The following LRRN2 variants were observed in gnomAD, a reference collection of about 807,000 sequenced individuals.
LRRN2 encodes leucine-rich repeat neuronal protein 2.
LRRN2 carries 10 observed loss-of-function variants against 35.7 expected under a neutral mutation model. The ratio of observed to expected loss-of-function variants is 0.28; its 90% CI spans 0.17 to 0.47. LRRN2 has a LOEUF of 0.47. LRRN2 is among the 20% of genes least tolerant of loss of function. The pLI, the probability that LRRN2 is intolerant of heterozygous loss-of-function variation, is 0.99. For missense variants in LRRN2, 731 were observed against 940.3 expected (o/e 0.78, Z 2.91); for synonymous variants, 391 against 409.6 (o/e 0.95, Z 0.55).
rs1558389572 is a variant in LRRN2, at chr1:204,617,786, G to T, written c.*65C>A. The T allele has an allele frequency of 6.4e-7, 1 of 1,574,752 alleles. No homozygotes were observed. Among genetic ancestry groups the T allele is most frequent in the Non-Finnish European group, 8.7e-7 (1 of 1,147,488 alleles). On this transcript the variant is annotated 3_prime_UTR_variant, in exon 2 of 2. Transcript: ENST00000367177. ...CTTTCCTGGCAGGGCATCTGGCCCA[G>T]ACTGCTTCTCTTTTGGTAAAAAGTA... is the stretch of plus-strand genomic sequence containing the variant.
chr1:204,669,170 A>G (rs1172029367), intron 1 of LRRN2, among the ~76,000 whole-genome samples: 1 of 152,204 alleles, frequency 6.6e-6, no homozygotes, highest in African/African-American at 2.4e-5. Flanking sequence ...TTGTTCCTGA[A>G]AAATCTATTG....
chr1:204,646,788 C>A (rs573489626), intron 1 of LRRN2, among the ~76,000 whole-genome samples: 1 of 152,078 alleles, frequency 6.6e-6, no homozygotes, highest in Non-Finnish European at 1.5e-5. Flanking sequence ...TTCTTTTGAC[C>A]TCTTTAATAG....
intron 1 of LRRN2, among the ~76,000 whole-genome samples, chr1:204,671,642 TAAAAAAAAAAAAAAAAA>T (rs35192809): frequency 2.6e-4 from 8 of 30,252 alleles, no homozygotes; most frequent in African/African-American, 1.1e-3. Context: ...TAATTGATGG[TAAAAAAAAAAAAAAAAA>T]AAAAAAAAAA....
intron 1 of LRRN2, among the ~76,000 whole-genome samples, chr1:204,657,227 C>T (rs1668376928): frequency 6.6e-6 from 1 of 151,970 alleles, no homozygotes; most frequent in African/African-American, 2.4e-5. Context: ...ATCACTTGAA[C>T]CCGGGAGGCG....
intron 1 of LRRN2, among the ~76,000 whole-genome samples, chr1:204,644,624 C>T (rs1668060610): frequency 6.6e-6 from 1 of 152,244 alleles, no homozygotes; most frequent in South Asian, 2.1e-4. Context: ...TTCCTTCTCT[C>T]CTCTTGCTCC....
In LRRN2 at chr1:204,618,651, G is replaced by A. The variant is rs1189629369; in HGVS notation, c.1342C>T (p.Leu448=). The change falls in exon 2 of 2, where the codon CTG becomes TTG. Residue 448 remains leucine, a synonymous_variant. Coordinates refer to ENST00000367177, the MANE Select transcript of LRRN2 (RefSeq NM_201630.2). ...TAGATCTCGGGTTCGGGTTCGGCCA[G>A]TGCCCGGCAATGCAGCACCATGCTC... ...GESMVLHCRA[L]AEPEPEIYWV... 10 of 1,609,148 alleles carry A rather than the reference G, an allele frequency of 6.2e-6. No individual in the cohort carries two copies. The highest frequency in any genetic ancestry group is 8.5e-6 in the Non-Finnish European group (10 of 1,177,506).
In LRRN2 at chr1:204,617,784, C is replaced by G; in HGVS notation, c.*67G>C. The G allele has an allele frequency of 6.4e-7, 1 of 1,568,048 alleles. No individual in the cohort carries two copies. Among genetic ancestry groups the G allele is most frequent in the South Asian group, 1.1e-5 (1 of 88,156 alleles). Reference sequence around the variant, plus strand: ...CCCTTTCCTGGCAGGGCATCTGGCCCAGACTGCTTCTCTTTTGGTAAAAAG... The same window carrying G: ...CCCTTTCCTGGCAGGGCATCTGGCCGAGACTGCTTCTCTTTTGGTAAAAAG... On this transcript the variant is annotated 3_prime_UTR_variant, in exon 2 of 2. Coordinates refer to ENST00000367177, the MANE Select transcript of LRRN2 (RefSeq NM_201630.2).
At chr1:204,655,349 G>A (rs1201625262) in intron 1 of LRRN2, among the ~76,000 whole-genome samples, 4 of 152,190 alleles carry the variant, frequency 2.6e-5, no homozygotes, top group East Asian at 1.9e-4. Flanking sequence ...GTGCAGTGGC[G>A]CGATCTGGGG....
intron 1 of LRRN2, among the ~76,000 whole-genome samples, chr1:204,654,561 T>A (rs1358309623): frequency 6.6e-6 from 1 of 152,176 alleles, no homozygotes; most frequent in Non-Finnish European, 1.5e-5. Flanking sequence ...CCTTTTTGCA[T>A]CCCCTGATCA....
At chr1:204,682,083 G>C (rs1305740304) in intron 1 of LRRN2, among the ~76,000 whole-genome samples, 1 of 152,108 alleles carries the variant, frequency 6.6e-6, no homozygotes, top group Admixed American at 6.6e-5. Flanking sequence ...TTTATAAAGA[G>C]TCCAAGCCAT....
At chr1:204,674,719 G>T (rs1668786477) in intron 1 of LRRN2, among the ~76,000 whole-genome samples, 3 of 152,180 alleles carry the variant, frequency 2.0e-5, no homozygotes, top group Non-Finnish European at 4.4e-5. Flanking sequence ...CTCAGAGCAG[G>T]TGGCTGTGAG....
At chr1:204,672,994 G>A (rs1297745824) in intron 1 of LRRN2, among the ~76,000 whole-genome samples, 2 of 152,120 alleles carry the variant, frequency 1.3e-5, no homozygotes, top group African/African-American at 4.8e-5. Context: ...ACTTCTCAGA[G>A]ATCCACGTAA....
At chr1:204,635,831 A>C (rs1179195363) in intron 1 of LRRN2, among the ~76,000 whole-genome samples, 2 of 152,218 alleles carry the variant, frequency 1.3e-5, no homozygotes, top group East Asian at 3.8e-4. Context: ...TGACAATCCC[A>C]AATGGAAGGA....
intron 1 of LRRN2, among the ~76,000 whole-genome samples, chr1:204,671,403 T>TGTG (rs1553350489): frequency 0.21 from 25,737 of 122,536 alleles, 3,070 homozygotes; most frequent in Admixed American, 0.27. Flanking sequence ...GTTTGTGTGT[T>TGTG]TGTGTGTGTG....
At chr1:204,683,841 T>C (rs1669006027) in intron 1 of LRRN2, among the ~76,000 whole-genome samples, 1 of 152,210 alleles carries the variant, frequency 6.6e-6, no homozygotes, top group Non-Finnish European at 1.5e-5. Context: ...CCCTTCTGTT[T>C]CCATCGTTTC....
intron 1 of LRRN2, among the ~76,000 whole-genome samples, chr1:204,646,586 G>C (rs1571658235): frequency 6.6e-6 from 1 of 152,046 alleles, no homozygotes; most frequent in Non-Finnish European, 1.5e-5. Context: ...TGAGAACCTG[G>C]GAGCTGGGAC....
chr1:204,628,264 C>G (rs570537845), intron 1 of LRRN2: 4 of 152,396 alleles, frequency 2.6e-5, no homozygotes, highest in East Asian at 3.9e-4. Context: ...TGACAGTCTT[C>G]GCCCTTCTGA....
At chr1:204,636,905 T>C (rs1667848684) in intron 1 of LRRN2, among the ~76,000 whole-genome samples, 1 of 152,214 alleles carries the variant, frequency 6.6e-6, no homozygotes, top group Non-Finnish European at 1.5e-5. Context: ...AAGAAAAACA[T>C]TGTAAGCAAA....
chr1:204,659,391 T>C (rs940139063), intron 1 of LRRN2, among the ~76,000 whole-genome samples: 5 of 152,046 alleles, frequency 3.3e-5, no homozygotes, highest in African/African-American at 1.2e-4. Context: ...GTCTCCGGGG[T>C]CTTCATCCAG....
Sources: gnomAD v4.1 joint callset for allele counts (sites outside exome capture counted in the v4.1 genomes callset) on GRCh38, gnomAD v4.1.1 for gene constraint, MANE v1.5 for transcripts, NCBI Gene and HGNC (gene_info 2026-07-23, HGNC 2026-07-21) for gene names.